SCHIP1: variants seen among roughly 807,000 people sequenced by gnomAD.
The protein encoded by SCHIP1 is schwannomin-interacting protein 1.
SCHIP1 carries 8 observed loss-of-function variants against 29.7 expected under a neutral mutation model. The ratio of observed to expected loss-of-function variants is 0.27; its 90% CI spans 0.16 to 0.49. The LOEUF (loss-of-function observed/expected upper bound fraction) is 0.49, where lower values mean the gene tolerates loss of function less well. Ranked by LOEUF, SCHIP1 falls within the 20% of genes least tolerant of loss-of-function variation. The pLI, the probability that SCHIP1 is intolerant of heterozygous loss-of-function variation, is 0.99. For missense variants in SCHIP1, 193 were observed against 294.6 expected, an observed-to-expected ratio of 0.66 and a Z score of 2.52; for synonymous variants, 76 against 94.9, an observed-to-expected ratio of 0.80 and a Z score of 1.16.
chr3:159,764,747 G>A, the SCHIP1 span: 11 of 1,573,028 alleles, frequency 7.0e-6, no homozygotes, highest in Admixed American at 1.1e-4. The surrounding 1 kb of genome is among the most constrained non-coding windows in gnomAD (Gnocchi z 6.1). Context: ...CGGGAACCGG[G>A]GGACGTAAGC....
intron 1 of SCHIP1, among the ~76,000 whole-genome samples, chr3:159,860,044 C>G (rs1713865669): frequency 6.6e-6 from 1 of 151,670 alleles, no homozygotes; most frequent in Admixed American, 6.6e-5. Flanking sequence ...TGTGCACATG[C>G]ATGCTCCTCC....
the SCHIP1 span, among the ~76,000 whole-genome samples, chr3:159,773,591 T>G: frequency 6.6e-6 from 1 of 152,240 alleles, no homozygotes; most frequent in Non-Finnish European, 1.5e-5. Flanking sequence ...TCCAGTTTCA[T>G]AATTTAAGAG....
chr3:159,541,534 C>A, the SCHIP1 span, among the ~76,000 whole-genome samples: 1 of 151,886 alleles, frequency 6.6e-6, no homozygotes, highest in Admixed American at 6.6e-5. Context: ...TGACCTATTT[C>A]CCTTGTGGCT....
the SCHIP1 span, among the ~76,000 whole-genome samples, chr3:159,325,426 A>G: frequency 3.9e-5 from 6 of 152,140 alleles, no homozygotes; most frequent in African/African-American, 1.4e-4. Context: ...ACACATACAC[A>G]CATGCAATCA....
At chr3:159,537,750 A>C in the SCHIP1 span, among the ~76,000 whole-genome samples, 1 of 152,146 alleles carries the variant, frequency 6.6e-6, no homozygotes, top group Admixed American at 6.6e-5. Flanking sequence ...TTATGGCTAC[A>C]TTTACATTTG....
chr3:159,418,796 G>A, the SCHIP1 span, among the ~76,000 whole-genome samples: 3 of 71,152 alleles, frequency 4.2e-5, no homozygotes, highest in South Asian at 6.1e-4. Context: ...GAAGCCTCAG[G>A]GGGAACAGAT....
At chr3:159,767,585 C>T in the SCHIP1 span, among the ~76,000 whole-genome samples, 7 of 152,310 alleles carry the variant, frequency 4.6e-5, no homozygotes, top group African/African-American at 1.7e-4. Flanking sequence ...CATTAATACA[C>T]ACCACTAGGA....
chr3:159,880,502 A>G (rs2109377131), intron 2 of SCHIP1, among the ~76,000 whole-genome samples: 1 of 152,328 alleles, frequency 6.6e-6, no homozygotes, highest in South Asian at 2.1e-4. Flanking sequence ...TATCTGTTAG[A>G]AGACCTAGTT....
chr3:159,713,239 A>AG, the SCHIP1 span, among the ~76,000 whole-genome samples: 1 of 87,724 alleles, frequency 1.1e-5, no homozygotes, highest in African/African-American at 4.9e-5. Context: ...AAAGGAAGAA[A>AG]GAAAGAAAGA....
At chr3:159,736,482 T>C in the SCHIP1 span, among the ~76,000 whole-genome samples, 1 of 152,236 alleles carries the variant, frequency 6.6e-6, no homozygotes, top group Non-Finnish European at 1.5e-5. Flanking sequence ...GACTCCCTTC[T>C]TCCCCAACTC....
the SCHIP1 span, among the ~76,000 whole-genome samples, chr3:159,416,276 C>A: frequency 1.3e-5 from 2 of 152,314 alleles, no homozygotes; most frequent in African/African-American, 4.8e-5. Context: ...TCCCTGACTA[C>A]GCATCTTAGG....
the SCHIP1 span, among the ~76,000 whole-genome samples, chr3:159,467,348 A>G: frequency 0.032 from 4,832 of 152,200 alleles, 246 homozygotes; most frequent in African/African-American, 0.11. Flanking sequence ...ATCCTTGTAC[A>G]TTCATTTTGG....
the SCHIP1 span, among the ~76,000 whole-genome samples, chr3:159,399,937 C>A: frequency 6.6e-6 from 1 of 152,116 alleles, no homozygotes; most frequent in Non-Finnish European, 1.5e-5. Context: ...CTTGGCCTCC[C>A]GAAGTGCTGA....
At chr3:159,276,722 C>T in the SCHIP1 span, among the ~76,000 whole-genome samples, 2 of 152,138 alleles carry the variant, frequency 1.3e-5, no homozygotes, top group Admixed American at 1.3e-4. Flanking sequence ...AAGATATACA[C>T]ATTGCTGAAA....
At chr3:159,699,719 A>C in the SCHIP1 span, among the ~76,000 whole-genome samples, 1 of 152,196 alleles carries the variant, frequency 6.6e-6, no homozygotes, top group African/African-American at 2.4e-5. Context: ...CATCACTAAG[A>C]TGAGGTATGA....
the SCHIP1 span, among the ~76,000 whole-genome samples, chr3:159,636,639 G>A: frequency 6.6e-6 from 1 of 152,274 alleles, no homozygotes; most frequent in Non-Finnish European, 1.5e-5. Context: ...TCTACAATGT[G>A]CCAACCCAGC....
At chr3:159,416,018 C>T in the SCHIP1 span, among the ~76,000 whole-genome samples, 1 of 112,114 alleles carries the variant, frequency 8.9e-6, no homozygotes, top group East Asian at 3.6e-4. Context: ...GGGATAAAAC[C>T]TATTTGATGG....
chr3:159,557,194 T>C, the SCHIP1 span, among the ~76,000 whole-genome samples: 2 of 151,972 alleles, frequency 1.3e-5, no homozygotes. Flanking sequence ...CCTGACCTCA[T>C]GATCTGCCTG....
chr3:159,691,667 A>G, the SCHIP1 span, among the ~76,000 whole-genome samples: 1 of 152,094 alleles, frequency 6.6e-6, no homozygotes, highest in African/African-American at 2.4e-5. Context: ...TATTTTGCCC[A>G]TTAGTTGCTG....
Sources: gnomAD v4.1 joint callset for allele counts (sites outside exome capture counted in the v4.1 genomes callset) on GRCh38, gnomAD v4.1.1 for gene constraint, Gnocchi (gnomAD v3.1) non-coding constraint, MANE v1.5 for transcripts, NCBI Gene and HGNC (gene_info 2026-07-23, HGNC 2026-07-21) for gene names.